The following LRRC37A2 variants were observed in gnomAD, a reference collection of about 807,000 sequenced individuals.
LRRC37A2 encodes leucine-rich repeat-containing protein 37A2.
In LRRC37A2, 9 loss-of-function variants were observed where a neutral mutation model predicts 68.8. The ratio of observed to expected loss-of-function variants is 0.13; its 90% CI spans 0.08 to 0.23. The LOEUF (loss-of-function observed/expected upper bound fraction) is 0.23. Ranked by LOEUF, LRRC37A2 falls within the 10% of genes least tolerant of loss-of-function variation. LRRC37A2 has a pLI of 1.00. For synonymous variants in LRRC37A2, 63 were observed against 367.6 expected (o/e 0.17, Z 9.48); for missense variants, 168 against 950.4 (o/e 0.18, Z 10.82).
intron 8 of LRRC37A2, among the ~76,000 whole-genome samples, chr17:46,543,437 ATT>A (rs1280407312): frequency 2.0e-5 from 3 of 150,992 alleles, no homozygotes; most frequent in Non-Finnish European, 2.9e-5. Flanking sequence ...CTGATGTTTG[ATT>A]GGATTGTGAA....
At chr17:46,781,296 G>C in the LRRC37A2 span, among the ~76,000 whole-genome samples, 1 of 151,346 alleles carries the variant, frequency 6.6e-6, no homozygotes, top group African/African-American at 2.4e-5. Context: ...GAGGAAACTT[G>C]AAAACAAGCT....
the LRRC37A2 span, among the ~76,000 whole-genome samples, chr17:47,001,427 T>C: frequency 4.9e-3 from 742 of 152,240 alleles, 7 homozygotes; most frequent in South Asian, 0.018. Context: ...CATGCTCCAC[T>C]CATGACTTCC....
At chr17:46,801,132 C>T in the LRRC37A2 span, among the ~76,000 whole-genome samples, 1 of 152,180 alleles carries the variant, frequency 6.6e-6, no homozygotes, top group Non-Finnish European at 1.5e-5. Flanking sequence ...AAAACCAAGG[C>T]TTGGAGAGGT....
intron 6 of LRRC37A2, among the ~76,000 whole-genome samples, chr17:46,533,273 C>T (rs1246946790): frequency 4.0e-4 from 38 of 93,882 alleles, no homozygotes; most frequent in Non-Finnish European, 6.5e-4. Context: ...TTTAGTTAGC[C>T]GAGTGTGGTG....
the LRRC37A2 span, among the ~76,000 whole-genome samples, chr17:46,697,456 C>T: frequency 5.4e-5 from 8 of 147,624 alleles, no homozygotes; most frequent in East Asian, 4.2e-4. Context: ...GTGATCCGCC[C>T]GCCTCAGCCT....
chr17:46,718,298 G>A, the LRRC37A2 span, among the ~76,000 whole-genome samples: 1 of 152,174 alleles, frequency 6.6e-6, no homozygotes, highest in African/African-American at 2.4e-5. Flanking sequence ...TACTGGCCAT[G>A]CCGGGCCAGC....
the LRRC37A2 span, among the ~76,000 whole-genome samples, chr17:46,855,462 G>A: frequency 6.6e-6 from 1 of 152,282 alleles, no homozygotes; most frequent in African/African-American, 2.4e-5. Context: ...TCTCTGTGTT[G>A]TCCCTGATCA....
chr17:46,657,859 C>T, the LRRC37A2 span, among the ~76,000 whole-genome samples: 1 of 79,972 alleles, frequency 1.3e-5, no homozygotes, highest in Admixed American at 1.5e-4. Flanking sequence ...ACCTTGTTCC[C>T]CAGTGTATAA....
the LRRC37A2 span, among the ~76,000 whole-genome samples, chr17:46,780,356 A>G: frequency 6.6e-6 from 1 of 152,210 alleles, no homozygotes; most frequent in African/African-American, 2.4e-5. Context: ...GGCCTCCCAA[A>G]TGGAATCACA....
the LRRC37A2 span, among the ~76,000 whole-genome samples, chr17:46,480,406 GTAA>G: frequency 1.3e-4 from 1 of 7,526 alleles, no homozygotes; most frequent in Admixed American, 1.0e-3. Context: ...GCATCTTGAT[GTAA>G]TCCACAGTAA....
the LRRC37A2 span, chr17:46,487,027 G>C: frequency 2.8e-6 from 2 of 724,742 alleles, no homozygotes; most frequent in Non-Finnish European, 4.0e-6. Context: ...CTTACATTTT[G>C]TTTTTATCTC....
the LRRC37A2 span, among the ~76,000 whole-genome samples, chr17:46,605,370 C>T: frequency 6.3e-5 from 8 of 126,022 alleles, no homozygotes; most frequent in Non-Finnish European, 1.2e-4. Flanking sequence ...ATTGCTTGAA[C>T]CTGGGAGGTG....
At chr17:46,605,467 G>T in the LRRC37A2 span, among the ~76,000 whole-genome samples, 9 of 150,422 alleles carry the variant, frequency 6.0e-5, no homozygotes, top group Admixed American at 3.9e-4. Context: ...AAAAAAAGCT[G>T]TCAGAGAAAA....
the LRRC37A2 span, chr17:46,755,801 G>A: frequency 6.2e-7 from 1 of 1,606,220 alleles, no homozygotes; most frequent in Non-Finnish European, 8.5e-7. Context: ...TTCTTTTGCA[G>A]TAGCCCCCTT....
chr17:46,977,512 G>A, the LRRC37A2 span, among the ~76,000 whole-genome samples: 1 of 152,250 alleles, frequency 6.6e-6, no homozygotes, highest in Non-Finnish European at 1.5e-5. Flanking sequence ...CCACACTGCT[G>A]CAAGGGAAGT....
chr17:46,838,501 C>T, the LRRC37A2 span, among the ~76,000 whole-genome samples: 1 of 151,920 alleles, frequency 6.6e-6, no homozygotes, highest in African/African-American at 2.4e-5. Flanking sequence ...GTGGTATTCG[C>T]CCATAATCCT....
At chr17:46,979,223 G>A in the LRRC37A2 span, 1 of 431,102 alleles carries the variant, frequency 2.3e-6, no homozygotes, top group Non-Finnish European at 4.1e-6. Context: ...GCAACAGGCG[G>A]CGCAGGAGCT....
chr17:46,551,104 C>T lies in LRRC37A2; in HGVS notation c.4809+585C>T, dbSNP rs1348660542. Among the ~76,000 whole-genome samples, 5 of 149,964 alleles carry T rather than the reference C, an allele frequency of 3.3e-5. No homozygotes were observed. The East Asian group carries it at 9.7e-4, about 29-fold the overall frequency. On this transcript the variant is annotated intron_variant, in intron 11 of 14. Coordinates refer to ENST00000576629, the Ensembl canonical transcript of LRRC37A2. ...TGAGGGGGAACGTCTCATACTCTAG[C>T]CCTCCTGAGCCTAGACCCTCTGTGA...
the LRRC37A2 span, chr17:46,929,471 G>A: frequency 1.0e-4 from 93 of 917,060 alleles, no homozygotes; most frequent in Admixed American, 2.9e-4. Context: ...TGACTGAAGC[G>A]CTGTTGATTA....
Sources: allele counts gnomAD v4.1 joint callset (sites outside exome capture counted in the v4.1 genomes callset), GRCh38; gene constraint gnomAD v4.1.1; transcripts MANE v1.5; gene names NCBI Gene and HGNC (gene_info 2026-07-23, HGNC 2026-07-21).